RDX: variants seen among roughly 807,000 people sequenced by gnomAD.
RDX encodes radixin.
A neutral mutation model predicts 83.7 loss-of-function variants in RDX; 32 were observed. That is an observed-to-expected ratio of 0.38 (90% CI 0.29 to 0.51). RDX has a LOEUF of 0.51. Among genes scored for constraint, RDX ranks in the 20% least tolerant of loss-of-function variants. The pLI is 0.87. For missense variants in RDX, 600 were observed against 689.9 expected (o/e 0.87, Z 1.46); for synonymous variants, 229 against 222.7 (o/e 1.03, Z -0.25).
chr11:110,272,622 G>C lies in RDX; in HGVS notation c.13-3C>G. ...ATTGTAGTTACTCTTACGTTGATCT[G>C]TAATAAAAATAAAAGGAATAATAAG... On this transcript the variant is annotated splice_region_variant and splice_polypyrimidine_tract_variant and intron_variant, in intron 2 of 13. Transcript: ENST00000645495. 1 of 1,598,386 alleles carries C rather than the reference G, an allele frequency of 6.3e-7. No individual in the cohort carries two copies. Among genetic ancestry groups the C allele is most frequent in the Non-Finnish European group, 8.6e-7 (1 of 1,168,302 alleles).
At chr11:110,254,678 G>A (rs1013095414) in intron 8 of RDX, among the ~76,000 whole-genome samples, 2 of 151,978 alleles carry the variant, frequency 1.3e-5, no homozygotes, top group Admixed American at 6.6e-5. Flanking sequence ...GTTTCACCAC[G>A]TTGGCCAGGC....
chr11:110,267,710 T>C (rs899563638), intron 3 of RDX, among the ~76,000 whole-genome samples: 1 of 151,668 alleles, frequency 6.6e-6, no homozygotes, highest in Non-Finnish European at 1.5e-5. Flanking sequence ...ACATCTGTGA[T>C]CCCAACACTT....
intron 2 of RDX, among the ~76,000 whole-genome samples, chr11:110,278,343 G>C (rs551145863): frequency 6.6e-6 from 1 of 151,962 alleles, no homozygotes; most frequent in Non-Finnish European, 1.5e-5. Flanking sequence ...GGATTCAACT[G>C]ATTGGAACTG....
At chr11:110,204,855 T>A (rs1863545847) in intron 14 of RDX, among the ~76,000 whole-genome samples, 1 of 152,178 alleles carries the variant, frequency 6.6e-6, no homozygotes, top group Non-Finnish European at 1.5e-5. Flanking sequence ...TGTTAATACA[T>A]TTCCAAGCAA....
At chr11:110,175,306 T>A (rs1431614492) in intron 15 of RDX, 1 of 152,260 alleles carries the variant, frequency 6.6e-6, no homozygotes, top group East Asian at 1.9e-4. Flanking sequence ...AGGGTGTTTT[T>A]AGAGAAGGCC....
rs367846309 is a variant in RDX at position 110,257,620 on chromosome 11, C to T, written c.698+147G>A. Reference sequence around the variant, plus strand: ...TAAGAAAATGGAGGTAAAATATCTACAAGTCTATGTGTCATTAATTCATCT... The same window carrying T: ...TAAGAAAATGGAGGTAAAATATCTATAAGTCTATGTGTCATTAATTCATCT... On this transcript the variant is annotated intron_variant, in intron 7 of 13. Transcript: ENST00000645495. The T allele has an allele frequency of 1.0e-5, 8 of 794,690 alleles. No individual in the cohort carries two copies. The South Asian group carries it at 1.3e-4, about 12-fold the overall frequency. The allele number at this position is 794,690 out of a possible 1,614,324, so 49.2% of individuals were successfully genotyped here.
At chr11:110,268,980 TA>T (rs58855325) in intron 3 of RDX, among the ~76,000 whole-genome samples, 18 of 149,792 alleles carry the variant, frequency 1.2e-4, no homozygotes, top group African/African-American at 3.9e-4. Flanking sequence ...CATATATATA[TA>T]TTTTTTTAAT....
At chr11:110,243,225 GA>G (rs1324819619) in intron 10 of RDX, among the ~76,000 whole-genome samples, 1 of 151,800 alleles carries the variant, frequency 6.6e-6, no homozygotes, top group African/African-American at 2.4e-5. Flanking sequence ...TTTAAAAAAA[GA>G]AAAAAACCAA....
At chr11:110,208,719 G>A (rs906459509) in intron 14 of RDX, among the ~76,000 whole-genome samples, 3 of 152,144 alleles carry the variant, frequency 2.0e-5, no homozygotes, top group Non-Finnish European at 4.4e-5. Flanking sequence ...AACACTTTGG[G>A]AGGCTGTCAG....
At chr11:110,251,519 G>C (rs1355911214) in intron 9 of RDX, among the ~76,000 whole-genome samples, 2 of 152,160 alleles carry the variant, frequency 1.3e-5, no homozygotes, top group Non-Finnish European at 2.9e-5. Flanking sequence ...GTTCGATTGA[G>C]TGTTAGAAGA....
intron 10 of RDX, among the ~76,000 whole-genome samples, chr11:110,244,947 T>C (rs1165275002): frequency 6.6e-6 from 1 of 151,894 alleles, no homozygotes; most frequent in Non-Finnish European, 1.5e-5. Context: ...CGTATATTAC[T>C]GTATCTGTAC....
At chr11:110,235,666 A>C (rs1376419730) in intron 12 of RDX, among the ~76,000 whole-genome samples, 1 of 152,230 alleles carries the variant, frequency 6.6e-6, no homozygotes, top group Non-Finnish European at 1.5e-5. Flanking sequence ...CTTGAGGGCC[A>C]CATCTCCTAA....
At position 110,231,875 on chromosome 11, in the gene RDX, T is replaced by C; in HGVS notation, c.1746A>G (p.Ala582=). 6.2e-7 allele frequency: 1 copy of C among 1,612,532 alleles called. No individual in the cohort carries two copies. Among genetic ancestry groups the C allele is most frequent in the Non-Finnish European group, 8.5e-7 (1 of 1,179,960 alleles). ...NTKQRIDEFE[A]M ...ATATGCAAAATAACAGCTCTCACATTGCTTCAAACTCATCGATACGCTGCT... is the reference window on the plus strand; with the variant it reads ...ATATGCAAAATAACAGCTCTCACATCGCTTCAAACTCATCGATACGCTGCT... Residue 582 remains alanine, a synonymous_variant, in exon 14 of 14, where the codon GCA becomes GCG. Transcript: ENST00000645495.
At chr11:110,199,465 T>G (rs1389457553) in intron 15 of RDX, 2 of 650,654 alleles carry the variant, frequency 3.1e-6, no homozygotes, top group East Asian at 2.7e-5. Context: ...CCACAGGTCC[T>G]GTGGATGAAC....
At chr11:110,282,630 C>T (rs1353873388) in intron 1 of RDX, among the ~76,000 whole-genome samples, 1 of 152,068 alleles carries the variant, frequency 6.6e-6, no homozygotes, top group African/African-American at 2.4e-5. Context: ...TAGAAAAATA[C>T]TAAATGACAT....
At position 110,263,959 on chromosome 11, in the gene RDX, C is replaced by T. The variant is rs1057520174; in HGVS notation, c.467+1G>A. Reference sequence around the variant, plus strand: ...ATAATGCAAACGCATGTTTCACTTACCGCTGGGGTAGGAGTCTATCATTAG... The same window carrying T: ...ATAATGCAAACGCATGTTTCACTTATCGCTGGGGTAGGAGTCTATCATTAG... On this transcript the variant is annotated splice_donor_variant, in intron 5 of 13. Transcript: ENST00000645495. LOFTEE classifies it high-confidence loss of function. The T allele has an allele frequency of 6.8e-6, 11 of 1,612,600 alleles. No individual in the cohort carries two copies. The highest frequency in any genetic ancestry group is 9.3e-6 in the Non-Finnish European group (11 of 1,178,762).
chr11:110,255,898 T>C (rs913008535), intron 7 of RDX, among the ~76,000 whole-genome samples: 8 of 152,222 alleles, frequency 5.3e-5, no homozygotes, highest in African/African-American at 1.7e-4. Context: ...ATTTTCAGTA[T>C]ATTTTGAAAG....
At chr11:110,281,727 G>C (rs1191953931) in intron 1 of RDX, among the ~76,000 whole-genome samples, 1 of 151,920 alleles carries the variant, frequency 6.6e-6, no homozygotes, top group African/African-American at 2.4e-5. Flanking sequence ...ATGTATTTCA[G>C]TCCAATTTTT....
intron 10 of RDX, 116 bp from the exon 11 acceptor site, chr11:110,237,768 C>A: frequency 9.2e-7 from 1 of 1,090,582 alleles, no homozygotes; most frequent in South Asian, 1.2e-5. Flanking sequence ...AGTTAGCACA[C>A]ATGTAAATAC....
Sources: allele counts gnomAD v4.1 joint callset (sites outside exome capture counted in the v4.1 genomes callset), GRCh38; gene constraint gnomAD v4.1.1; transcripts MANE v1.5; gene names NCBI Gene and HGNC (gene_info 2026-07-23, HGNC 2026-07-21).